NBAS: variants seen among roughly 807,000 people sequenced by gnomAD.
The protein encoded by NBAS is NAG/BC035112 fusion.
A neutral mutation model predicts 302.5 loss-of-function variants in NBAS; 219 were observed. That is an observed-to-expected ratio of 0.72 (90% CI 0.65 to 0.81). The LOEUF is 0.81. NBAS is among the 30% of genes least tolerant of loss of function. The pLI is 0.00. For synonymous variants in NBAS, 1,118 were observed against 1,021.6 expected (o/e 1.09, Z -1.80); for missense variants, 2,932 against 2,841.6 (o/e 1.03, Z -0.72).
the NBAS span, among the ~76,000 whole-genome samples, chr2:14,874,688 C>T: frequency 7.0e-6 from 1 of 143,396 alleles, no homozygotes; most frequent in Non-Finnish European, 1.5e-5. Flanking sequence ...AAACCACAAA[C>T]CATTATCTCT....
At chr2:15,558,488 C>G (rs567498759) in intron 2 of NBAS, 92 bp downstream of exon 2, 2 of 889,390 alleles carry the variant, frequency 2.2e-6, no homozygotes, top group African/African-American at 1.7e-5. Context: ...AGATAACACA[C>G]ATTACTTTTA....
At chr2:14,922,349 G>A in the NBAS span, among the ~76,000 whole-genome samples, 2 of 152,322 alleles carry the variant, frequency 1.3e-5, no homozygotes, top group East Asian at 1.9e-4. Context: ...AGGAAGTCCT[G>A]TTGGGTTGAG....
chr2:15,203,900 G>GCT (rs1158557243), intron 48 of NBAS, among the ~76,000 whole-genome samples: 8 of 148,798 alleles, frequency 5.4e-5, no homozygotes, highest in Admixed American at 2.0e-4. Flanking sequence ...TTGTGTGTGT[G>GCT]TGTGTGTGTG....
At chr2:15,417,155 G>A (rs758707401) in intron 24 of NBAS, among the ~76,000 whole-genome samples, 9 of 152,166 alleles carry the variant, frequency 5.9e-5, no homozygotes, top group South Asian at 2.1e-4. Flanking sequence ...ACAACCACCC[G>A]GTCCTCTTAA....
chr2:15,474,379 T>C (rs1680097708), intron 14 of NBAS, 55 bp from the exon 15 acceptor site: 1 of 1,473,558 alleles, frequency 6.8e-7, no homozygotes, highest in East Asian at 2.4e-5. Context: ...AATAACTTTT[T>C]AGAATTAATG....
At chr2:15,484,499 A>G (rs1391353307) in intron 12 of NBAS, among the ~76,000 whole-genome samples, 1 of 152,128 alleles carries the variant, frequency 6.6e-6, no homozygotes, top group African/African-American at 2.4e-5. Flanking sequence ...CCTACTGCTC[A>G]AGGTCATGGC....
chr2:15,009,631 C>CATAT, the NBAS span, among the ~76,000 whole-genome samples: 15 of 148,252 alleles, frequency 1.0e-4, no homozygotes, highest in East Asian at 2.0e-4. Flanking sequence ...CACACACACA[C>CATAT]ACACACATAT....
At chr2:14,821,861 C>A in the NBAS span, among the ~76,000 whole-genome samples, 5 of 145,382 alleles carry the variant, frequency 3.4e-5, no homozygotes, top group South Asian at 2.2e-4. Flanking sequence ...AAATACAAAA[C>A]AAAAAAAAAA....
chr2:14,898,825 T>C, the NBAS span, among the ~76,000 whole-genome samples: 1 of 152,282 alleles, frequency 6.6e-6, no homozygotes, highest in East Asian at 1.9e-4. Context: ...AACTGTCCAG[T>C]CTCAGGTATG....
At chr2:15,511,737 T>C (rs1178360358) in intron 9 of NBAS, among the ~76,000 whole-genome samples, 1 of 152,156 alleles carries the variant, frequency 6.6e-6, no homozygotes, top group Non-Finnish European at 1.5e-5. Flanking sequence ...GAGGGAGCCA[T>C]TACAGAAAGC....
At chr2:15,384,293 G>A (rs868544196) in intron 28 of NBAS, among the ~76,000 whole-genome samples, 1 of 152,204 alleles carries the variant, frequency 6.6e-6, no homozygotes, top group Non-Finnish European at 1.5e-5. Flanking sequence ...GTGATTGTGA[G>A]CAAGTCATTT....
At chr2:14,967,015 G>A in the NBAS span, among the ~76,000 whole-genome samples, 48,521 of 151,906 alleles carry the variant, frequency 0.32, 10,339 homozygotes, top group African/African-American at 0.61. Context: ...CATGTATACT[G>A]ATAAACAATT....
the NBAS span, among the ~76,000 whole-genome samples, chr2:15,096,980 A>G: frequency 6.6e-6 from 1 of 152,200 alleles, no homozygotes; most frequent in East Asian, 1.9e-4. Flanking sequence ...AGGGGAGCCC[A>G]AGAGACACCA....
chr2:15,409,670 A>C (rs889322880), intron 25 of NBAS, among the ~76,000 whole-genome samples: 42 of 151,832 alleles, frequency 2.8e-4, no homozygotes, highest in African/African-American at 9.9e-4. Flanking sequence ...TCATGTCTTT[A>C]TTTCTTTCCT....
chr2:14,809,279 T>A, the NBAS span, among the ~76,000 whole-genome samples: 2 of 152,200 alleles, frequency 1.3e-5, no homozygotes, highest in East Asian at 1.9e-4. Flanking sequence ...ACAGAGGTCT[T>A]CGTGGCAGCC....
chr2:14,875,232 A>C, the NBAS span, among the ~76,000 whole-genome samples: 1 of 152,158 alleles, frequency 6.6e-6, no homozygotes, highest in African/African-American at 2.4e-5. Context: ...CATCCCAAGA[A>C]ATCGACCAAA....
At chr2:14,869,564 TA>T in the NBAS span, among the ~76,000 whole-genome samples, 1 of 152,176 alleles carries the variant, frequency 6.6e-6, no homozygotes, top group Non-Finnish European at 1.5e-5. Flanking sequence ...CATGTGGTTT[TA>T]CCAGGTCACA....
chr2:14,845,531 G>A, the NBAS span, among the ~76,000 whole-genome samples: 2 of 152,146 alleles, frequency 1.3e-5, no homozygotes, highest in African/African-American at 2.4e-5. Context: ...GAACATTCAG[G>A]AAAATATGAC....
Position 15,402,288 on chromosome 2 carries a change from A to G in NBAS, c.2951T>C (p.Ile984Thr), listed in dbSNP as rs140841721. The change falls in exon 26 of 52, where the codon ATT (isoleucine) becomes ACT (threonine). Residue 984 changes from isoleucine to threonine, a missense_variant. Ile to Thr is a moderately conservative substitution (Grantham distance 89). Coordinates refer to ENST00000281513, the MANE Select transcript of NBAS (RefSeq NM_015909.4). The part of the protein sequence containing the change: ...QHSKPDLQQK[I>T]IPDQDQLMAI... ...CATCAGTTGGTCCTGATCAGGAATA[A>G]TTTTTTGCTGCAGCTACAGAAAATA... 7 of 1,613,394 alleles carry G rather than the reference A, an allele frequency of 4.3e-6. No homozygotes were observed. Among genetic ancestry groups the G allele is most frequent in the Non-Finnish European group, 5.9e-6 (7 of 1,179,624 alleles).
Sources: allele counts gnomAD v4.1 joint callset (sites outside exome capture counted in the v4.1 genomes callset), GRCh38; gene constraint gnomAD v4.1.1; transcripts MANE v1.5; gene names NCBI Gene and HGNC (gene_info 2026-07-23, HGNC 2026-07-21).